KRTDAP: variants seen among roughly 807,000 people sequenced by gnomAD.
KRTDAP encodes keratinocyte differentiation associated protein.
A neutral mutation model predicts 18.6 loss-of-function variants in KRTDAP; 14 were observed. The ratio of observed to expected loss-of-function variants is 0.75; its 90% CI spans 0.50 to 1.18. The LOEUF (loss-of-function observed/expected upper bound fraction) is 1.18, where lower values mean the gene tolerates loss of function less well. KRTDAP is among the 50% of genes most tolerant of loss of function. The pLI is 0.00. For synonymous variants in KRTDAP, 53 were observed against 49.5 expected, an observed-to-expected ratio of 1.07 and a Z score of -0.29; for missense variants, 114 against 121.3, an observed-to-expected ratio of 0.94 and a Z score of 0.28.
In KRTDAP at chr19:35,490,369, A is replaced by AG; in HGVS notation, c.73dup (p.Leu25ProfsTer5). 1 of 1,611,748 alleles carries AG rather than the reference A, an allele frequency of 6.2e-7. No individual in the cohort carries two copies. The highest frequency in any genetic ancestry group is 1.1e-5 in the South Asian group (1 of 90,888). ...TGACGTGCTCACCTCAGGACCACCC[A>AG]GGGTGGCTCCCTGGGCAGAGTGGAG... On this transcript the variant is annotated frameshift_variant, in exon 1 of 6. Transcript: ENST00000338897. LOFTEE classifies it high-confidence loss of function.
rs2067515279 is a variant in KRTDAP, at chr19:35,490,349, T to C, written c.87+7A>G. ...TATAAGAATAAAAATGCAGGTGACG[T>C]GCTCACCTCAGGACCACCCAGGGTG... On this transcript the variant is annotated splice_region_variant and intron_variant, in intron 1 of 5. Transcript: ENST00000338897. 6 of 1,579,888 alleles carry C rather than the reference T, an allele frequency of 3.8e-6. No homozygotes were observed. Among genetic ancestry groups the C allele is most frequent in the Non-Finnish European group, 5.2e-6 (6 of 1,157,638 alleles).
rs1159654323 is a variant in KRTDAP at position 35,488,466 on chromosome 19, A to G, written c.188T>C (p.Phe63Ser). The G allele has an allele frequency of 6.2e-7, 1 of 1,613,434 alleles. No individual in the cohort carries two copies. The change falls in exon 4 of 6, where the codon TTC becomes TCC. Residue 63 changes from phenylalanine (F) to serine (S), a missense_variant. Phe to Ser is a radical substitution (Grantham distance 155, BLOSUM62 -2). Transcript: ENST00000338897. Reference protein sequence around the residue: ...KLRSAFKADEFLNWHALFESI... With the variant: ...KLRSAFKADESLNWHALFESI... ...CTCAAAGAGGGCGTGCCAGTTCAGG[A>G]ACTCATCAGCCTTAAACGCCTGAGG...
At chr19:35,487,678 A>C (rs2067498786) in intron 5 of KRTDAP, 34 bp downstream of exon 5, 1 of 1,580,252 alleles carries the variant, frequency 6.3e-7, no homozygotes, top group African/African-American at 1.3e-5. Context: ...CTTACCCCCA[A>C]GCTCCATACC....
At chr19:35,489,692 G>A (rs949298670) in intron 1 of KRTDAP, among the ~76,000 whole-genome samples, 9 of 152,010 alleles carry the variant, frequency 5.9e-5, no homozygotes, top group South Asian at 2.1e-4. Flanking sequence ...TTTTAAATCC[G>A]GAATAGGCAT....
rs1456372424 is a variant in KRTDAP, at chr19:35,487,692, CT to C, written c.261+19del. ...CCTTACCCCCAAGCTCCATACCCTCCTAATGCCCACACCTCTTACCTTAGGA... is the reference window on the plus strand; with the variant it reads ...CCTTACCCCCAAGCTCCATACCCTCCAATGCCCACACCTCTTACCTTAGGA... On this transcript the variant is annotated intron_variant, in intron 5 of 5. Coordinates refer to ENST00000338897, the MANE Select transcript of KRTDAP (RefSeq NM_207392.3). 1 of 1,606,174 alleles carries C rather than the reference CT, an allele frequency of 6.2e-7. No homozygotes were observed. Among genetic ancestry groups the C allele is most frequent in the Non-Finnish European group, 8.5e-7 (1 of 1,172,928 alleles).
chr19:35,489,204 C>T (rs908293634), intron 1 of KRTDAP, among the ~76,000 whole-genome samples: 1 of 152,162 alleles, frequency 6.6e-6, no homozygotes, highest in Admixed American at 6.5e-5. Context: ...GAAAGATTTG[C>T]GAGCAGGTGG....
Position 35,488,423 on chromosome 19 carries a change from G to A in KRTDAP, c.213+18C>T. 6.2e-7 allele frequency: 1 copy of A among 1,611,146 alleles called. No individual in the cohort carries two copies. The highest frequency in any genetic ancestry group is 8.5e-7 in the Non-Finnish European group (1 of 1,179,038). On this transcript the variant is annotated intron_variant, in intron 4 of 5. Coordinates refer to ENST00000338897, the MANE Select transcript of KRTDAP (RefSeq NM_207392.3). ...ACTGCAGACAACCGAGGAGGGCAAG[G>A]GGCGCCGGAGCACTCACCTCAAAGA...
At chr19:35,488,636 G>C in intron 3 of KRTDAP, 26 bp downstream of exon 3, 1 of 1,614,072 alleles carries the variant, frequency 6.2e-7, no homozygotes, top group Non-Finnish European at 8.5e-7. Context: ...GTATTCGTGG[G>C]GGTAGCACCA....
Position 35,488,818 on chromosome 19 carries a change from T to C in KRTDAP, c.110A>G (p.Tyr37Cys), listed in dbSNP as rs1449506727. The change falls in exon 2 of 6, where the codon TAT becomes TGT. Residue 37 changes from tyrosine (Y) to cysteine (C), a missense_variant. Tyr to Cys is a radical substitution (Grantham distance 194). Transcript: ENST00000338897. ...GPEEESTIENYASRPEAFNTP... is the reference protein window; with the variant it reads ...GPEEESTIENCASRPEAFNTP... Reference sequence around the variant, plus strand: ...ACGGCTTACCTCGGGTCGTGACGCATAATTCTCAATGGTGCTTTCTTCCTG... The same window carrying C: ...ACGGCTTACCTCGGGTCGTGACGCACAATTCTCAATGGTGCTTTCTTCCTG... 1.2e-6 allele frequency: 2 copies of C among 1,613,978 alleles called. No homozygotes were observed. Among genetic ancestry groups the C allele is most frequent in the African/African-American group, 2.7e-5 (2 of 74,916 alleles).
Position 35,488,505 on chromosome 19 carries a change from G to GGT in KRTDAP, c.169-21_169-20insAC, listed in dbSNP as rs769071188. 35 of 1,613,662 alleles carry GGT rather than the reference G, an allele frequency of 2.2e-5. No individual in the cohort carries two copies. In the African/African-American group the frequency reaches 4.0e-4, roughly 18 times the overall value. On this transcript the variant is annotated intron_variant, in intron 3 of 5. Coordinates refer to ENST00000338897, the MANE Select transcript of KRTDAP (RefSeq NM_207392.3). ...AAACGCCTGAGGAGGAAGAGAGACAGCAGAAGCAGGTCAGCTCCAGGGGAG... is the reference window on the plus strand; with the variant it reads ...AAACGCCTGAGGAGGAAGAGAGACAGGTCAGAAGCAGGTCAGCTCCAGGGGAG...
Position 35,488,959 on chromosome 19 carries a change from C to G in KRTDAP, c.88-119G>C, listed in dbSNP as rs762730629. On this transcript the variant is annotated intron_variant, in intron 1 of 5. Transcript: ENST00000338897. ...GCCCAGTCCCCGAAAGAACGCAACC[C>G]ATTCCCCACCATGGTCTCCGTTCCA... is the stretch of plus-strand genomic sequence containing the variant. The G allele has an allele frequency of 4.1e-4, 362 of 888,936 alleles. 2 individuals are homozygous for G. The highest frequency in any genetic ancestry group is 2.0e-3 in the Middle Eastern group (6 of 3,032). 55.1% of individuals were successfully genotyped at this position (888,936 alleles called of 1,614,324 possible).
In KRTDAP at chr19:35,487,560, T is replaced by A. The variant is rs193064625; in HGVS notation, c.262-94A>T. The A allele has an allele frequency of 2.4e-6, 3 of 1,238,514 alleles. No homozygotes were observed. The East Asian group carries it at 6.9e-5, about 29-fold the overall frequency. 76.7% of individuals were successfully genotyped at this position (1,238,514 alleles called of 1,614,324 possible). On this transcript the variant is annotated intron_variant, in intron 5 of 5. Transcript: ENST00000338897. Reference sequence around the variant, plus strand: ...AAGGAATTTCTGCCTCGGTGTGAGTTCCCGTTCTCCTCTATATGTAGTAGC... The same window carrying A: ...AAGGAATTTCTGCCTCGGTGTGAGTACCCGTTCTCCTCTATATGTAGTAGC...
In KRTDAP at chr19:35,487,450, C is replaced by T. The variant is rs2067497387; in HGVS notation, c.278G>A (p.Ser93Asn). ...DAFPKLKGLR[S>N]ATPDAQ Reference sequence around the variant, plus strand: ...TGGTCACTGGGCATCAGGAGTTGCGCTCCTCAGTCCTTTCAGCTAGAGGGA... The same window carrying T: ...TGGTCACTGGGCATCAGGAGTTGCGTTCCTCAGTCCTTTCAGCTAGAGGGA... The change falls in exon 6 of 6, where the codon AGC (serine) becomes AAC (asparagine). Residue 93 changes from serine to asparagine, a missense_variant. Coordinates refer to ENST00000338897, the MANE Select transcript of KRTDAP (RefSeq NM_207392.3). The T allele has an allele frequency of 6.2e-7, 1 of 1,614,108 alleles. No homozygotes were observed. Among genetic ancestry groups the T allele is most frequent in the Non-Finnish European group, 8.5e-7 (1 of 1,179,976 alleles).
At chr19:35,490,255 C>T in intron 1 of KRTDAP, 101 bp downstream of exon 1, 1 of 715,366 alleles carries the variant, frequency 1.4e-6, no homozygotes, top group South Asian at 2.3e-5. Context: ...CATCAGAATC[C>T]AAAACTAAGA....
chr19:35,488,617 G>T (rs762123275), intron 3 of KRTDAP, 45 bp downstream of exon 3: 1 of 1,609,928 alleles, frequency 6.2e-7, no homozygotes, highest in African/African-American at 1.3e-5. Context: ...TATCCCCTCT[G>T]TGATGAGGGT....
chr19:35,488,074 G>A (rs1352539294), intron 4 of KRTDAP, among the ~76,000 whole-genome samples: 1 of 152,220 alleles, frequency 6.6e-6, no homozygotes, highest in Non-Finnish European at 1.5e-5. Context: ...AGAAGTCAGT[G>A]CAGAGTCAGG....
intron 1 of KRTDAP, 117 bp downstream of exon 1, chr19:35,490,239 A>T: frequency 1.7e-6 from 1 of 599,790 alleles, no homozygotes; most frequent in Non-Finnish European, 2.9e-6. Context: ...CAGTTTCTTC[A>T]GCCCCCATCA....
chr19:35,490,307 G>T, intron 1 of KRTDAP, 49 bp downstream of exon 1: 1 of 1,161,674 alleles, frequency 8.6e-7, no homozygotes, highest in Non-Finnish European at 1.3e-6. Flanking sequence ...GAGATGGAGG[G>T]GTAGGTGGGT....
chr19:35,487,328 G>T lies in KRTDAP; in HGVS notation c.*100C>A. The T allele has an allele frequency of 8.9e-7, 1 of 1,121,176 alleles. No individual in the cohort carries two copies. The highest frequency in any genetic ancestry group is 1.4e-6 in the Non-Finnish European group (1 of 730,714). 69.5% of individuals were successfully genotyped at this position (1,121,176 alleles called of 1,614,324 possible). Reference sequence around the variant, plus strand: ...CAGAGACGCAGATACAGGAGCTGTTGGATGGAAAATGTTTTATTGGAGTTC... The same window carrying T: ...CAGAGACGCAGATACAGGAGCTGTTTGATGGAAAATGTTTTATTGGAGTTC... On this transcript the variant is annotated 3_prime_UTR_variant, in exon 6 of 6. Transcript: ENST00000338897.
Sources: gnomAD v4.1 joint callset for allele counts (sites outside exome capture counted in the v4.1 genomes callset) on GRCh38, gnomAD v4.1.1 for gene constraint, MANE v1.5 for transcripts, NCBI Gene and HGNC (gene_info 2026-07-23, HGNC 2026-07-21) for gene names.